Variants in ZNG1B observed in about 807,000 individuals in gnomAD.
ZNG1B encodes the protein zinc-regulated GTPase metalloprotein activator 1B.
the ZNG1B span, among the ~76,000 whole-genome samples, chr2:113,444,628 G>A: frequency 6.6e-6 from 1 of 151,758 alleles, no homozygotes; most frequent in East Asian, 1.9e-4. Context: ...AACTACTATA[G>A]TTAATAAATT....
chr2:113,477,867 C>G, the ZNG1B span, among the ~76,000 whole-genome samples: 1 of 152,226 alleles, frequency 6.6e-6, no homozygotes, highest in Non-Finnish European at 1.5e-5. Context: ...TACACTCTTT[C>G]TGTGGGGTTG....
the ZNG1B span, among the ~76,000 whole-genome samples, chr2:113,448,118 C>T: frequency 6.6e-6 from 1 of 152,098 alleles, no homozygotes; most frequent in East Asian, 1.9e-4. Flanking sequence ...GTAGCTATAG[C>T]CTTATGAAAT....
the ZNG1B span, chr2:113,465,042 T>C: frequency 7.8e-6 from 3 of 386,008 alleles, no homozygotes; most frequent in African/African-American, 6.4e-5. Flanking sequence ...TTATTTCCTG[T>C]TTTAGAAACA....
chr2:113,441,849 C>G, the ZNG1B span: 1 of 186,786 alleles, frequency 5.4e-6, no homozygotes, highest in South Asian at 8.5e-5. Context: ...AAGTGATTCT[C>G]CTGCCTCAGC....
At chr2:113,494,066 A>G in the ZNG1B span, 1 of 1,592,452 alleles carries the variant, frequency 6.3e-7, no homozygotes, top group East Asian at 2.3e-5. Flanking sequence ...ATTTGGTTTT[A>G]AACAGAAACA....
the ZNG1B span, among the ~76,000 whole-genome samples, chr2:113,463,600 G>A: frequency 2.0e-5 from 3 of 152,152 alleles, no homozygotes; most frequent in East Asian, 1.9e-4. Context: ...GTATTGTTGC[G>A]TAGTGTTAAA....
chr2:113,454,819 C>A, the ZNG1B span: 36 of 1,548,006 alleles, frequency 2.3e-5, no homozygotes, highest in Non-Finnish European at 3.1e-5. Flanking sequence ...TTATTGAGAG[C>A]TGGGAATATG....
At chr2:113,443,260 C>T in the ZNG1B span, among the ~76,000 whole-genome samples, 1 of 151,970 alleles carries the variant, frequency 6.6e-6, no homozygotes, top group African/African-American at 2.4e-5. Context: ...GCACATGGTA[C>T]ACTGGCCAAA....
At chr2:113,462,961 A>G in the ZNG1B span, 1 of 137,464 alleles carries the variant, frequency 7.3e-6, no homozygotes, top group Non-Finnish European at 1.4e-5. Context: ...CCCCCTTCCT[A>G]TGTGAAGTCT....
chr2:113,488,469 C>T, the ZNG1B span, among the ~76,000 whole-genome samples: 1 of 151,974 alleles, frequency 6.6e-6, no homozygotes, highest in African/African-American at 2.4e-5. Flanking sequence ...CTTTAACACC[C>T]CCCAAAAAAT....
At chr2:113,454,676 A>G in the ZNG1B span, 2 of 1,499,482 alleles carry the variant, frequency 1.3e-6, no homozygotes, top group East Asian at 4.6e-5. Flanking sequence ...ATTCTGAAGT[A>G]TGGTTGCACA....
the ZNG1B span, among the ~76,000 whole-genome samples, chr2:113,448,793 A>G: frequency 1.3e-5 from 2 of 151,714 alleles, no homozygotes; most frequent in African/African-American, 4.8e-5. Flanking sequence ...AATCCCAGTT[A>G]CTTGGGAGGC....
chr2:113,476,174 A>C, the ZNG1B span, among the ~76,000 whole-genome samples: 1 of 152,108 alleles, frequency 6.6e-6, no homozygotes, highest in Admixed American at 6.5e-5. Flanking sequence ...TATTTCTTGG[A>C]GGCTTTGTTT....
At chr2:113,483,643 C>T in the ZNG1B span, among the ~76,000 whole-genome samples, 2 of 149,442 alleles carry the variant, frequency 1.3e-5, no homozygotes, top group East Asian at 3.9e-4. Flanking sequence ...TAAAGTGAAC[C>T]CCTTGTATGC....
At chr2:113,478,690 AAAC>A in the ZNG1B span, among the ~76,000 whole-genome samples, 1 of 152,028 alleles carries the variant, frequency 6.6e-6, no homozygotes, top group South Asian at 2.1e-4. Context: ...CACATTTTGA[AAAC>A]AATACCTACA....
the ZNG1B span, chr2:113,454,791 A>T: frequency 2.5e-6 from 4 of 1,568,872 alleles, no homozygotes; most frequent in South Asian, 1.1e-5. Flanking sequence ...AAGTTGAAAG[A>T]TTGCTATGAG....
the ZNG1B span, chr2:113,457,016 T>C: frequency 2.2e-6 from 1 of 454,660 alleles, no homozygotes; most frequent in Non-Finnish European, 4.4e-6. Context: ...GGTATCATGC[T>C]AATGGGATTG....
the ZNG1B span, among the ~76,000 whole-genome samples, chr2:113,439,681 T>C: frequency 9.2e-5 from 14 of 152,160 alleles, no homozygotes; most frequent in Non-Finnish European, 1.9e-4. Flanking sequence ...CCCCGCACAA[T>C]GAACTAATGT....
the ZNG1B span, among the ~76,000 whole-genome samples, chr2:113,448,923 T>A: frequency 1.2e-4 from 18 of 151,532 alleles, no homozygotes; most frequent in Non-Finnish European, 1.5e-5. Flanking sequence ...AATAAATAAA[T>A]AAAAAATAAG....
Sources: gnomAD v4.1 joint callset for allele counts (sites outside exome capture counted in the v4.1 genomes callset) on GRCh38, gnomAD v4.1.1 for gene constraint, MANE v1.5 for transcripts, NCBI Gene and HGNC (gene_info 2026-07-23, HGNC 2026-07-21) for gene names.